KALRN: variants seen among roughly 807,000 people sequenced by gnomAD.
KALRN encodes kalirin.
KALRN carries 70 observed loss-of-function variants against 353.7 expected under a neutral mutation model. The observed-to-expected ratio is 0.20, with a 90% confidence interval of 0.16 to 0.24. The LOEUF (loss-of-function observed/expected upper bound fraction) is 0.24. Among genes scored for constraint, KALRN ranks in the 10% least tolerant of loss-of-function variants. KALRN has a pLI of 1.00. For missense variants in KALRN, 2,791 were observed against 3,756.7 expected (o/e 0.74, Z 6.72); for synonymous variants, 1,391 against 1,434.8 (o/e 0.97, Z 0.69).
rs752480880 is a variant in KALRN at position 124,384,925 on chromosome 3, C to T, written c.1851C>T (p.Ile617=). The change falls in exon 11 of 60, where the codon ATC becomes ATT. Residue 617 remains isoleucine, a synonymous_variant. Transcript: ENST00000682506. ...AQTGECDPEE[I]YKAARHLEVR... is the part of the protein sequence containing the mutation. ...CGGGGGAATGTGACCCCGAGGAGAT[C>T]TACAAGGCAGCTCGACACCTGGAGG... 1.9e-6 allele frequency: 3 copies of T among 1,614,120 alleles called. No homozygotes were observed. The highest frequency in any genetic ancestry group is 2.2e-5 in the South Asian group (2 of 91,032).
chr3:124,259,643 C>A (rs1326073837), intron 3 of KALRN, among the ~76,000 whole-genome samples: 1 of 152,174 alleles, frequency 6.6e-6, no homozygotes, highest in Admixed American at 6.5e-5. Flanking sequence ...CTGCTGCCTC[C>A]CCTTCCTTGT....
intron 37 of KALRN, among the ~76,000 whole-genome samples, chr3:124,642,897 A>C (rs951640681): frequency 1.4e-5 from 2 of 146,570 alleles, no homozygotes; most frequent in Admixed American, 1.4e-4. Flanking sequence ...GCTCACTGCA[A>C]CCTCCGCCTC....
chr3:124,656,511 C>T (rs1177557081), intron 39 of KALRN, among the ~76,000 whole-genome samples: 7 of 151,910 alleles, frequency 4.6e-5, no homozygotes, highest in African/African-American at 7.3e-5. Context: ...CTCAGGAGGC[C>T]GAGGCAGGAG....
Position 124,334,433 on chromosome 3 carries a change from C to T in KALRN, c.1585C>T (p.His529Tyr), listed in dbSNP as rs757420104. ...HQRRLESIWQ[H>Y]RKVRLHQRLQ... ...GCGACGGCTGGAGAGCATCTGGCAG[C>T]ACCGCAAGGTGCGGCTCCACCAGCG... is the stretch of plus-strand genomic sequence containing the variant. The change falls in exon 9 of 60, where the codon CAC becomes TAC. Residue 529 changes from histidine to tyrosine, a missense_variant. This residue lies in a region of KALRN where 366 missense variants were observed against 489.2 expected (regional missense o/e 0.75). Coordinates refer to ENST00000682506, the MANE Select transcript of KALRN (RefSeq NM_001388419.1). The surrounding 1 kb of genome is among the most constrained non-coding windows in gnomAD (Gnocchi z 4.2). The T allele has an allele frequency of 6.2e-7, 1 of 1,614,040 alleles. No individual in the cohort carries two copies. Among genetic ancestry groups the T allele is most frequent in the Non-Finnish European group, 8.5e-7 (1 of 1,180,018 alleles).
chr3:124,303,249 T>C (rs2077408061), intron 6 of KALRN, among the ~76,000 whole-genome samples: 1 of 152,212 alleles, frequency 6.6e-6, no homozygotes, highest in Non-Finnish European at 1.5e-5. Context: ...ATAACATGTG[T>C]TTTTGAATTT....
At chr3:124,044,652 T>C (rs1162697209) in intron 1 of KALRN, among the ~76,000 whole-genome samples, 1 of 151,546 alleles carries the variant, frequency 6.6e-6, no homozygotes, top group Non-Finnish European at 1.5e-5. Flanking sequence ...TGTTAATAGA[T>C]ATATTCTGAT....
At chr3:124,374,354 G>T (rs1022461922) in intron 10 of KALRN, 2 of 152,302 alleles carry the variant, frequency 1.3e-5, no homozygotes, top group African/African-American at 4.8e-5. Context: ...CAGAGTCTGG[G>T]AAGGTGGAAA....
intron 15 of KALRN, among the ~76,000 whole-genome samples, chr3:124,425,161 A>G (rs954138594): frequency 6.6e-6 from 1 of 152,308 alleles, no homozygotes; most frequent in South Asian, 2.1e-4. Flanking sequence ...GAGGTTGGTT[A>G]ATGGGGACAA....
intron 34 of KALRN, among the ~76,000 whole-genome samples, chr3:124,610,461 G>C (rs895961662): frequency 1.3e-5 from 2 of 152,148 alleles, no homozygotes; most frequent in Non-Finnish European, 2.9e-5. Flanking sequence ...GAGGGCTCTG[G>C]GGGGACAAGG....
At chr3:124,619,524 G>A (rs333316) in intron 34 of KALRN, among the ~76,000 whole-genome samples, 1,309 of 113,432 alleles carry the variant, frequency 0.012, 23 homozygotes, top group African/African-American at 0.041. Flanking sequence ...TTTTACTCTC[G>A]TTGCCCAGGC....
chr3:124,643,179 T>C (rs2082298181), intron 37 of KALRN, among the ~76,000 whole-genome samples: 1 of 151,940 alleles, frequency 6.6e-6, no homozygotes, highest in Non-Finnish European at 1.5e-5. Context: ...GTTTGTTTGT[T>C]TTTGTTTTTG....
intron 34 of KALRN, among the ~76,000 whole-genome samples, chr3:124,582,691 A>G (rs2149270643): frequency 6.6e-6 from 1 of 151,024 alleles, no homozygotes; most frequent in African/African-American, 2.4e-5. Flanking sequence ...AATGTAAGCT[A>G]TTATTACTCA....
chr3:124,045,602 T>C (rs1377695945), intron 1 of KALRN, among the ~76,000 whole-genome samples: 1 of 152,216 alleles, frequency 6.6e-6, no homozygotes, highest in Non-Finnish European at 1.5e-5. Context: ...AGCATAGTAC[T>C]GATTTCAGTG....
chr3:124,487,755 G>T (rs531572036), intron 28 of KALRN, among the ~76,000 whole-genome samples: 1 of 152,268 alleles, frequency 6.6e-6, no homozygotes, highest in East Asian at 1.9e-4. Flanking sequence ...AATAAAAGTG[G>T]TGTCAGCAGT....
At chr3:124,110,414 T>G (rs1426944634) in intron 1 of KALRN, among the ~76,000 whole-genome samples, 1 of 150,218 alleles carries the variant, frequency 6.7e-6, no homozygotes, top group Non-Finnish European at 1.5e-5. Flanking sequence ...ACATGGTAAA[T>G]ATATTCCATT....
chr3:124,457,508 C>A (rs1464225642), intron 23 of KALRN, among the ~76,000 whole-genome samples: 1 of 152,208 alleles, frequency 6.6e-6, no homozygotes, highest in Non-Finnish European at 1.5e-5. Flanking sequence ...CCAGGTTTAC[C>A]TTTCTGGAGT....
In KALRN at chr3:124,326,074, C is replaced by T. The variant is rs1193671850; in HGVS notation, c.1187C>T (p.Thr396Ile). 1.9e-6 allele frequency: 3 copies of T among 1,613,948 alleles called. No homozygotes were observed. Among genetic ancestry groups the T allele is most frequent in the Admixed American group, 1.7e-5 (1 of 60,004 alleles). ...TCACAACAAATCAAGCAGATCTCCA[C>T]CCAGCTGGACCAGGAGTGGAAGAGC... ...YASQQIKQIS[T>I]QLDQEWKSFA... The change falls in exon 7 of 60, where the codon ACC (threonine) becomes ATC (isoleucine). Residue 396 changes from threonine to isoleucine, a missense_variant. Around this residue, in one of 11 missense-constraint regions of KALRN, gnomAD observed 366 missense variants for 489.2 expected, o/e 0.75. Coordinates refer to ENST00000682506, the MANE Select transcript of KALRN (RefSeq NM_001388419.1).
At chr3:124,442,124 G>T in intron 19 of KALRN, 65 bp downstream of exon 19, 2 of 916,840 alleles carry the variant, frequency 2.2e-6, no homozygotes, top group Non-Finnish European at 3.2e-6. Context: ...AATATACCAT[G>T]TACCCAGTTT....
intron 1 of KALRN, among the ~76,000 whole-genome samples, chr3:124,084,990 A>T (rs1234496507): frequency 6.6e-6 from 1 of 152,132 alleles, no homozygotes; most frequent in Non-Finnish European, 1.5e-5. Context: ...CTTCTGATAG[A>T]CGTACCATGT....
Sources: gnomAD v4.1 joint callset for allele counts (sites outside exome capture counted in the v4.1 genomes callset) on GRCh38, gnomAD v4.1.1 for gene constraint, gnomAD v4.1.1 regional missense constraint, Gnocchi (gnomAD v3.1) non-coding constraint, MANE v1.5 for transcripts, NCBI Gene and HGNC (gene_info 2026-07-23, HGNC 2026-07-21) for gene names.